HCN1: variants seen among roughly 807,000 people sequenced by gnomAD.
HCN1 encodes the protein potassium/sodium hyperpolarization-activated cyclic nucleotide-gated channel 1.
HCN1 carries 13 observed loss-of-function variants against 78.9 expected under a neutral mutation model. The observed-to-expected ratio is 0.16, with a 90% confidence interval of 0.11 to 0.26. The LOEUF (loss-of-function observed/expected upper bound fraction) is 0.26, where lower values mean the gene tolerates loss of function less well. Among genes scored for constraint, HCN1 ranks in the 10% least tolerant of loss-of-function variants. HCN1 has a pLI of 1.00. For synonymous variants in HCN1, 552 were observed against 455.5 expected (o/e 1.21, Z -2.70); for missense variants, 810 against 1,154.3 (o/e 0.70, Z 4.32).
At chr5:45,652,165 A>G (rs1391118404) in intron 1 of HCN1, among the ~76,000 whole-genome samples, 1 of 151,934 alleles carries the variant, frequency 6.6e-6, no homozygotes, top group Non-Finnish European at 1.5e-5. Context: ...AAGCAAAAGT[A>G]AACATGTTTT....
Position 45,463,780 on chromosome 5 carries a change from C to G in HCN1, c.850-1773G>C, listed in dbSNP as rs151041787. 4.8e-4 allele frequency among the ~76,000 whole-genome samples: 73 copies of G among 152,028 alleles called. No individual in the cohort carries two copies. In the East Asian group the frequency reaches 0.012, roughly 24 times the overall value. ...TAGTTTTTTTGTTGTTGTTTAGTAA[C>G]AGAATTTACATTTATATCTTAATAT... On this transcript the variant is annotated intron_variant, in intron 2 of 7. Transcript: ENST00000303230.
chr5:45,692,848 C>A (rs1409964915), intron 1 of HCN1, among the ~76,000 whole-genome samples: 1 of 152,040 alleles, frequency 6.6e-6, no homozygotes. Context: ...TCACGACATG[C>A]CCTGGAGTAA....
intron 2 of HCN1, among the ~76,000 whole-genome samples, chr5:45,493,332 ACTTAT>A (rs988310014): frequency 1.8e-4 from 27 of 151,974 alleles, no homozygotes; most frequent in African/African-American, 4.8e-4. Flanking sequence ...TCATCTGAAA[ACTTAT>A]CTTATACTCT....
rs1035068089 is a variant in HCN1 at position 45,262,175 on chromosome 5, T to C, written c.2419A>G (p.Thr807Ala). 3 of 1,613,682 alleles carry C rather than the reference T, an allele frequency of 1.9e-6. No homozygotes were observed. In the African/African-American group the frequency reaches 4.0e-5, roughly 22 times the overall value. ...VSTLISRPHP[T>A]VGESLASIPQ... ...ATGGAGGCCAGGGACTCGCCCACAG[T>C]GGGATGAGGTCTGGAAATCAGAGTG... The change falls in exon 8 of 8, where the codon ACT becomes GCT. Residue 807 changes from threonine (T) to alanine (A), a missense_variant. Thr to Ala is a moderately conservative substitution (Grantham distance 58, BLOSUM62 0). Around this residue, in one of 6 missense-constraint regions of HCN1, gnomAD observed 398 missense variants for 381.3 expected, o/e 1.04. Coordinates refer to ENST00000303230, the MANE Select transcript of HCN1 (RefSeq NM_021072.4).
chr5:45,583,328 A>G (rs547439870), intron 2 of HCN1, among the ~76,000 whole-genome samples: 5 of 152,286 alleles, frequency 3.3e-5, no homozygotes, highest in African/African-American at 1.2e-4. Flanking sequence ...TGTTTATAGT[A>G]TTCTCTGATG....
intron 1 of HCN1, among the ~76,000 whole-genome samples, chr5:45,674,172 A>G (rs1746219195): frequency 6.6e-6 from 1 of 151,250 alleles, no homozygotes; most frequent in Non-Finnish European, 1.5e-5. Context: ...TATATCACAT[A>G]TATGCCTTAA....
chr5:45,556,884 G>C (rs370763219), intron 2 of HCN1, among the ~76,000 whole-genome samples: 1 of 152,014 alleles, frequency 6.6e-6, no homozygotes, highest in East Asian at 1.9e-4. Context: ...ACAGAAAGAT[G>C]GAGTTCATCT....
At chr5:45,550,180 A>G (rs1389370529) in intron 2 of HCN1, among the ~76,000 whole-genome samples, 3 of 152,190 alleles carry the variant, frequency 2.0e-5, no homozygotes, top group African/African-American at 4.8e-5. Flanking sequence ...TCATGCTACT[A>G]TAAAGACACA....
intron 2 of HCN1, among the ~76,000 whole-genome samples, chr5:45,500,624 G>C (rs1474183563): frequency 6.6e-6 from 1 of 152,024 alleles, no homozygotes; most frequent in African/African-American, 2.4e-5. Context: ...TTTAAAATTG[G>C]AGTATATTTC....
At chr5:45,578,755 C>T (rs1561207707) in intron 2 of HCN1, among the ~76,000 whole-genome samples, 3 of 151,714 alleles carry the variant, frequency 2.0e-5, no homozygotes, top group African/African-American at 4.8e-5. Context: ...AACAAACAGC[C>T]GAAGTTACAC....
chr5:45,347,141 C>A (rs760118548), intron 5 of HCN1, among the ~76,000 whole-genome samples: 1 of 152,208 alleles, frequency 6.6e-6, no homozygotes, highest in African/African-American at 2.4e-5. Flanking sequence ...TGACACCTCA[C>A]AGGGCTGGCT....
chr5:45,588,925 G>T (rs1449213625), intron 2 of HCN1, among the ~76,000 whole-genome samples: 1 of 152,220 alleles, frequency 6.6e-6, no homozygotes, highest in Non-Finnish European at 1.5e-5. Context: ...CAAGGCAGTA[G>T]CTTGAAAGAC....
intron 1 of HCN1, among the ~76,000 whole-genome samples, chr5:45,647,437 C>T (rs1268319857): frequency 6.6e-6 from 1 of 152,146 alleles, no homozygotes; most frequent in African/African-American, 2.4e-5. Context: ...CAAGTCCCTT[C>T]TGTAAGCTTC....
chr5:45,351,841 C>T (rs1283912685), intron 5 of HCN1, among the ~76,000 whole-genome samples: 1 of 151,852 alleles, frequency 6.6e-6, no homozygotes, highest in Non-Finnish European at 1.5e-5. Flanking sequence ...CATCTCACAC[C>T]AGTTAGAATG....
chr5:45,357,715 T>A (rs760881703), intron 4 of HCN1, among the ~76,000 whole-genome samples: 21 of 152,142 alleles, frequency 1.4e-4, no homozygotes, highest in Non-Finnish European at 2.5e-4. Context: ...GGAGTAGGGA[T>A]CATGTTACAA....
At chr5:45,365,075 A>G (rs938410409) in intron 4 of HCN1, among the ~76,000 whole-genome samples, 4 of 152,060 alleles carry the variant, frequency 2.6e-5, no homozygotes, top group Non-Finnish European at 5.9e-5. Context: ...ATTGTCAAAC[A>G]TATTATTTAG....
At position 45,548,427 on chromosome 5, in the gene HCN1, C is replaced by T. The variant is rs115539416; in HGVS notation, c.850-86420G>A. 5.0e-3 allele frequency among the ~76,000 whole-genome samples: 760 copies of T among 151,634 alleles called. 4 individuals are homozygous for T. The highest frequency in any genetic ancestry group is 0.018 in the African/African-American group (726 of 41,450). On this transcript the variant is annotated intron_variant, in intron 2 of 7. Coordinates refer to ENST00000303230, the MANE Select transcript of HCN1 (RefSeq NM_021072.4). ...GTGAATAAAGAGAAAAGTCAATGAA[C>T]CTCTTATTTATCAACAGCCCTTCAT...
intron 1 of HCN1, among the ~76,000 whole-genome samples, chr5:45,647,494 C>T (rs1490738616): frequency 6.6e-6 from 1 of 152,124 alleles, no homozygotes; most frequent in Non-Finnish European, 1.5e-5. Flanking sequence ...GGGTGTCACA[C>T]ATAGCCCTTT....
At chr5:45,439,364 TA>T (rs950683390) in intron 3 of HCN1, among the ~76,000 whole-genome samples, 1 of 152,174 alleles carries the variant, frequency 6.6e-6, no homozygotes, top group Non-Finnish European at 1.5e-5. Flanking sequence ...AATTTCACAT[TA>T]AAAAAATAAT....
Sources: allele counts gnomAD v4.1 joint callset (sites outside exome capture counted in the v4.1 genomes callset), GRCh38; gene constraint gnomAD v4.1.1; regional missense constraint gnomAD v4.1.1; transcripts MANE v1.5; gene names NCBI Gene and HGNC (gene_info 2026-07-23, HGNC 2026-07-21).